Variants in KCNQ1 observed in about 807,000 individuals in gnomAD.
KCNQ1 encodes the protein potassium voltage-gated channel subfamily Q member 1, also known as potassium voltage-gated channel subfamily KQT member 1.
A neutral mutation model predicts 72.4 loss-of-function variants in KCNQ1; 49 were observed. The ratio of observed to expected loss-of-function variants is 0.68; its 90% CI spans 0.54 to 0.86. The LOEUF (loss-of-function observed/expected upper bound fraction) is 0.86, where lower values mean the gene tolerates loss of function less well. KCNQ1 is among the 40% of genes least tolerant of loss of function. The pLI, the probability that KCNQ1 is intolerant of heterozygous loss-of-function variation, is 0.00. For synonymous variants in KCNQ1, 450 were observed against 412.6 expected (o/e 1.09, Z -1.10); for missense variants, 790 against 945.1 (o/e 0.84, Z 2.15).
intron 11 of KCNQ1, chr11:2,672,777 C>T (rs934920816): frequency 4.0e-5 from 16 of 398,664 alleles, no homozygotes; most frequent in Non-Finnish European, 6.6e-5. Context: ...CTCCTCCCCG[C>T]AACAGATCCA....
intron 12 of KCNQ1, among the ~76,000 whole-genome samples, chr11:2,775,401 G>T (rs1299755699): frequency 6.6e-6 from 1 of 152,234 alleles, no homozygotes; most frequent in Non-Finnish European, 1.5e-5. Flanking sequence ...CACAGCAAGT[G>T]CTGCAGGCTA....
chr11:2,835,811 G>A (rs573509528), intron 15 of KCNQ1, among the ~76,000 whole-genome samples: 4 of 152,288 alleles, frequency 2.6e-5, no homozygotes, highest in South Asian at 2.1e-4. Flanking sequence ...TCATGGAGGC[G>A]GCGGGGCAGC....
chr11:2,598,404 T>C lies in KCNQ1; in HGVS notation c.1393+9550T>C, dbSNP rs1315163841. Among the ~76,000 whole-genome samples, 1 of 152,200 alleles carries C rather than the reference T, an allele frequency of 6.6e-6. No homozygotes were observed. The highest frequency in any genetic ancestry group is 1.5e-5 in the Non-Finnish European group (1 of 68,040). On this transcript the variant is annotated intron_variant, in intron 10 of 15. Coordinates refer to ENST00000155840, the MANE Select transcript of KCNQ1 (RefSeq NM_000218.3). This position sits in a 1 kb window ranked among gnomAD's most constrained non-coding sequence, Gnocchi z 6.2. The stretch of plus-strand genomic sequence containing the variant: ...GATGTAGCCTATGAAGTCTCCACTT[T>C]TTTTAAAATGAAGATTTTCTTTGTC...
At position 2,676,181 on chromosome 11, in the gene KCNQ1, C is replaced by T; in HGVS notation, c.1514+14100C>T. The T allele has an allele frequency of 7.5e-6, 3 of 398,622 alleles. No individual in the cohort carries two copies. In the Admixed American group the frequency reaches 1.3e-4, roughly 18 times the overall value. The allele number at this position is 398,622 out of a possible 1,614,324, so 24.7% of individuals were successfully genotyped here. ...TTCTACACTTTGCCTTTGACTTCTT[C>T]CATAGGTATGCCATACTTCTTTTTG... On this transcript the variant is annotated intron_variant, in intron 11 of 15. Transcript: ENST00000155840. The surrounding 1 kb of genome is among the most constrained non-coding windows in gnomAD (Gnocchi z 4.2).
At chr11:2,527,046 A>G (rs923436818) in intron 1 of KCNQ1, among the ~76,000 whole-genome samples, 6 of 152,022 alleles carry the variant, frequency 3.9e-5, no homozygotes, top group Non-Finnish European at 8.8e-5. Flanking sequence ...CGGGCCCTGG[A>G]GGGTACGTTT....
intron 10 of KCNQ1, chr11:2,644,343 C>G: frequency 2.5e-6 from 1 of 398,186 alleles, no homozygotes. Context: ...ATTCTTTCTT[C>G]TGCTTGTTGT....
At chr11:2,636,869 T>C (rs1189754571) in intron 10 of KCNQ1, 1 of 152,256 alleles carries the variant, frequency 6.6e-6, no homozygotes, top group Non-Finnish European at 1.5e-5. Flanking sequence ...CAGAGCCTGT[T>C]ATTGGTCTTT....
At position 2,544,244 on chromosome 11, in the gene KCNQ1, G is replaced by GTGTATATATA. The variant is rs1564811872; in HGVS notation, c.477+16229_477+16230insATATATATGT. 2.6e-3 allele frequency among the ~76,000 whole-genome samples: 380 copies of GTGTATATATA among 145,702 alleles called. 12 individuals are homozygous for GTGTATATATA. Among genetic ancestry groups the GTGTATATATA allele is most frequent in the African/African-American group, 9.8e-3 (369 of 37,744 alleles). ...CTATCTCATATATATATATGTGTGT[G>GTGTATATATA]TGTGTATATATATATGTGTGTGTGT... On this transcript the variant is annotated intron_variant, in intron 2 of 15. Transcript: ENST00000155840. The surrounding 1 kb of genome is among the most constrained non-coding windows in gnomAD (Gnocchi z 4.4).
chr11:2,452,541 G>A (rs979863304), intron 1 of KCNQ1, among the ~76,000 whole-genome samples: 1 of 152,194 alleles, frequency 6.6e-6, no homozygotes, highest in Admixed American at 6.5e-5. Flanking sequence ...GAGACGGGGC[G>A]GGAACCTCCT....
intron 1 of KCNQ1, among the ~76,000 whole-genome samples, chr11:2,470,144 A>G (rs1846422312): frequency 6.6e-6 from 1 of 152,186 alleles, no homozygotes; most frequent in Admixed American, 6.5e-5. Context: ...AATTTTTTGT[A>G]GAGCTGGGGT....
Position 2,572,563 on chromosome 11 carries a change from C to T in KCNQ1, c.781-283C>T, listed in dbSNP as rs189457708. On this transcript the variant is annotated intron_variant, in intron 5 of 15. Coordinates refer to ENST00000155840, the MANE Select transcript of KCNQ1 (RefSeq NM_000218.3). The stretch of plus-strand genomic sequence containing the variant: ...TCCTGGTCCATTCTTGGTTCTGTCA[C>T]GTGGCAGGAAAGAGAGCTGGGCAAT... 1.2e-3 allele frequency among the ~76,000 whole-genome samples: 185 copies of T among 152,344 alleles called. 1 individual carries two copies. Among genetic ancestry groups the T allele is most frequent in the African/African-American group, 4.3e-3 (178 of 41,590 alleles).
At position 2,658,390 on chromosome 11, in the gene KCNQ1, A is replaced by G. The variant is rs563376632; in HGVS notation, c.1394-3571A>G. On this transcript the variant is annotated intron_variant, in intron 10 of 15. Coordinates refer to ENST00000155840, the MANE Select transcript of KCNQ1 (RefSeq NM_000218.3). The surrounding 1 kb of genome is among the most constrained non-coding windows in gnomAD (Gnocchi z 4.9). ...TATTTATTTTTTGAGTTATAGTCCAATATTATTTATTTTGTTGCTCAAATT... is the reference window on the plus strand; with the variant it reads ...TATTTATTTTTTGAGTTATAGTCCAGTATTATTTATTTTGTTGCTCAAATT... 2.6e-4 allele frequency: 104 copies of G among 398,478 alleles called. No homozygotes were observed. The highest frequency in any genetic ancestry group is 2.0e-3 in the African/African-American group (95 of 48,684). 24.7% of individuals were successfully genotyped at this position (398,478 alleles called of 1,614,324 possible). A position where few individuals can be genotyped will look rare whatever the true frequency, so the allele number is the denominator to read the frequency against.
chr11:2,477,370 C>T lies in KCNQ1; in HGVS notation c.386+31886C>T, dbSNP rs1489859953. ...AAGTTTTTTCTGGAAAAGCCTCCAG[C>T]CCACGGTGACCTAGGTTCTTCCCAC... On this transcript the variant is annotated intron_variant, in intron 1 of 15. Transcript: ENST00000155840. This position sits in a 1 kb window ranked among gnomAD's most constrained non-coding sequence, Gnocchi z 5.0. 6.6e-6 allele frequency among the ~76,000 whole-genome samples: 1 copy of T among 152,184 alleles called. No homozygotes were observed. Among genetic ancestry groups the T allele is most frequent in the Non-Finnish European group, 1.5e-5 (1 of 68,036 alleles).
At position 2,809,634 on chromosome 11, in the gene KCNQ1, C is replaced by T. The variant is rs184765370; in HGVS notation, c.1794+31597C>T. Among the ~76,000 whole-genome samples the T allele has an allele frequency of 6.6e-6, 1 of 152,282 alleles. No individual in the cohort carries two copies. The highest frequency in any genetic ancestry group is 6.5e-5 in the Admixed American group (1 of 15,304). On this transcript the variant is annotated intron_variant, in intron 15 of 15. Transcript: ENST00000155840. This position sits in a 1 kb window ranked among gnomAD's most constrained non-coding sequence, Gnocchi z 7.1. ...TGACTGGTTGGGTTTCTGCCTCGGTCGCTGACTCCAGAGGGCCCCACGGCT... is the reference window on the plus strand; with the variant it reads ...TGACTGGTTGGGTTTCTGCCTCGGTTGCTGACTCCAGAGGGCCCCACGGCT...
intron 10 of KCNQ1, chr11:2,628,233 A>T (rs1278008745): frequency 5.0e-6 from 2 of 398,510 alleles, no homozygotes; most frequent in Non-Finnish European, 8.8e-6. Flanking sequence ...TAATGACTGT[A>T]TCAATTTACA....
At chr11:2,540,661 A>T (rs1847809383) in intron 2 of KCNQ1, among the ~76,000 whole-genome samples, 1 of 152,212 alleles carries the variant, frequency 6.6e-6, no homozygotes, top group African/African-American at 2.4e-5. Context: ...TGGGGACAAT[A>T]GTCTCCTCCC....
chr11:2,584,713 A>C (rs1346467643), intron 7 of KCNQ1, among the ~76,000 whole-genome samples: 2 of 150,486 alleles, frequency 1.3e-5, no homozygotes, highest in Non-Finnish European at 3.0e-5. Flanking sequence ...TAGTGTGCAT[A>C]TCTATTGTGT....
chr11:2,577,368 T>G (rs1256106661), intron 6 of KCNQ1, among the ~76,000 whole-genome samples: 3 of 152,198 alleles, frequency 2.0e-5, no homozygotes, highest in Non-Finnish European at 4.4e-5. Context: ...GAGGCCTCCT[T>G]GAGGAAGTGA....
rs1590016891 is a variant in KCNQ1 at position 2,664,351 on chromosome 11, C to T, written c.1514+2270C>T. 1 of 398,808 alleles carries T rather than the reference C, an allele frequency of 2.5e-6. No homozygotes were observed. The highest frequency in any genetic ancestry group is 3.6e-5 in the East Asian group (1 of 28,082). 24.7% of individuals were successfully genotyped at this position (398,808 alleles called of 1,614,324 possible). A position where few individuals can be genotyped will look rare whatever the true frequency, so the allele number is the denominator to read the frequency against. Reference sequence around the variant, plus strand: ...CTGAGGCTTCAGGGGAGCTGGGTTCCTGCATCCTCAGAAGTCAGGGTACGG... The same window carrying T: ...CTGAGGCTTCAGGGGAGCTGGGTTCTTGCATCCTCAGAAGTCAGGGTACGG... On this transcript the variant is annotated intron_variant, in intron 11 of 15. Coordinates refer to ENST00000155840, the MANE Select transcript of KCNQ1 (RefSeq NM_000218.3). This position sits in a 1 kb window ranked among gnomAD's most constrained non-coding sequence, Gnocchi z 5.1.
Sources: allele counts gnomAD v4.1 joint callset (sites outside exome capture counted in the v4.1 genomes callset), GRCh38; gene constraint gnomAD v4.1.1; non-coding constraint Gnocchi (gnomAD v3.1); transcripts MANE v1.5; gene names NCBI Gene and HGNC (gene_info 2026-07-23, HGNC 2026-07-21).